Variants in IFTAP observed in about 807,000 individuals in gnomAD.
The protein encoded by IFTAP is intraflagellar transport associated protein.
In IFTAP, 19 loss-of-function variants were observed where a neutral mutation model predicts 19.4. That is an observed-to-expected ratio of 0.98 (90% CI 0.68 to 1.44). The LOEUF (loss-of-function observed/expected upper bound fraction) is 1.44. IFTAP is among the 40% of genes most tolerant of loss of function. IFTAP has a pLI of 0.00. For synonymous variants in IFTAP, 85 were observed against 83.5 expected (o/e 1.02, Z -0.10); for missense variants, 240 against 253.6 (o/e 0.95, Z 0.36).
intron 2 of IFTAP, among the ~76,000 whole-genome samples, chr11:36,620,225 A>C (rs1852242925): frequency 6.6e-6 from 1 of 152,074 alleles, no homozygotes; most frequent in African/African-American, 2.4e-5. Context: ...TTATCACAAC[A>C]TAACATCAAA....
intron 4 of IFTAP, among the ~76,000 whole-genome samples, chr11:36,642,184 G>A (rs1172962612): frequency 3.3e-5 from 5 of 151,960 alleles, no homozygotes; most frequent in Non-Finnish European, 5.9e-5. Flanking sequence ...TATCACCACC[G>A]ATCTCACAGA....
chr11:36,619,389 A>G (rs749486963), intron 2 of IFTAP, among the ~76,000 whole-genome samples: 24 of 152,144 alleles, frequency 1.6e-4, no homozygotes, highest in Non-Finnish European at 3.1e-4. Context: ...AATTTCCATG[A>G]GGGTGCAAAG....
intron 4 of IFTAP, among the ~76,000 whole-genome samples, chr11:36,641,648 A>G (rs1045273191): frequency 6.6e-6 from 1 of 152,210 alleles, no homozygotes; most frequent in Non-Finnish European, 1.5e-5. Flanking sequence ...ATAGTTTTTT[A>G]TAATTTCTGT....
At chr11:36,658,632 G>T (rs1854092887) in intron 5 of IFTAP, among the ~76,000 whole-genome samples, 2 of 151,978 alleles carry the variant, frequency 1.3e-5, no homozygotes, top group African/African-American at 2.4e-5. Context: ...TCTATTTAAG[G>T]TTGATAAAAA....
At position 36,602,633 on chromosome 11, in the gene IFTAP, C is replaced by T. The variant is rs113400423; in HGVS notation, c.-23-7448C>T. On this transcript the variant is annotated intron_variant, in intron 1 of 5. Transcript: ENST00000334307. ...TGAAAAAAGTGTTCACTGAATTACT[C>T]GCCGTTACTACCCATAACTCATTGA... 7.9e-5 allele frequency among the ~76,000 whole-genome samples: 12 copies of T among 152,180 alleles called. No individual in the cohort carries two copies. The South Asian group carries it at 2.1e-3, about 26-fold the overall frequency.
chr11:36,632,664 TAA>T (rs747297438), intron 2 of IFTAP, among the ~76,000 whole-genome samples: 13 of 151,288 alleles, frequency 8.6e-5, no homozygotes, highest in Non-Finnish European at 1.5e-4. Flanking sequence ...AGGAATTGGT[TAA>T]ATAAACTATC....
intron 2 of IFTAP, among the ~76,000 whole-genome samples, chr11:36,619,639 T>G (rs1590210495): frequency 6.6e-6 from 1 of 152,044 alleles, no homozygotes. Context: ...GGCTTAACAT[T>G]GTTTTGATAC....
At chr11:36,602,760 G>C (rs1851554161) in intron 1 of IFTAP, among the ~76,000 whole-genome samples, 1 of 151,964 alleles carries the variant, frequency 6.6e-6, no homozygotes, top group Non-Finnish European at 1.5e-5. Flanking sequence ...GTCAGTTAGC[G>C]TGCTTATAGG....
chr11:36,651,153 C>T (rs1444336231), intron 5 of IFTAP, among the ~76,000 whole-genome samples: 1 of 152,190 alleles, frequency 6.6e-6, no homozygotes. Context: ...AATGGTTGAA[C>T]TAGTTTACAG....
chr11:36,635,450 T>C (rs962269576), intron 3 of IFTAP, among the ~76,000 whole-genome samples: 1 of 152,228 alleles, frequency 6.6e-6, no homozygotes, highest in Non-Finnish European at 1.5e-5. Flanking sequence ...ATTGTGTCTG[T>C]AAAGGTCATT....
At position 36,648,092 on chromosome 11, in the gene IFTAP, G is replaced by T; in HGVS notation, c.435G>T (p.Gln145His). The T allele has an allele frequency of 6.2e-7, 1 of 1,613,324 alleles. No individual in the cohort carries two copies. Among genetic ancestry groups the T allele is most frequent in the Non-Finnish European group, 8.5e-7 (1 of 1,179,530 alleles). The change falls in exon 5 of 6, where the codon CAG becomes CAT. Residue 145 changes from glutamine to histidine, a missense_variant. Physicochemically the swap from Gln to His is conservative, Grantham distance 24 (BLOSUM62 0). Transcript: ENST00000334307. ...CTTCCTGTATCCCTTTTGTGGCCCAGCCTCCTACCTGTGAAGTGAAGCCAA... is the reference window on the plus strand; with the variant it reads ...CTTCCTGTATCCCTTTTGTGGCCCATCCTCCTACCTGTGAAGTGAAGCCAA... ...SIPSCIPFVA[Q>H]PPTCEVKPKP...
At chr11:36,623,667 C>G (rs2133422361) in intron 2 of IFTAP, among the ~76,000 whole-genome samples, 1 of 152,218 alleles carries the variant, frequency 6.6e-6, no homozygotes, top group South Asian at 2.1e-4. Flanking sequence ...CTATTGCTGC[C>G]AGAACTGTGT....
chr11:36,623,253 G>A (rs1400052771), intron 2 of IFTAP, among the ~76,000 whole-genome samples: 1 of 151,970 alleles, frequency 6.6e-6, no homozygotes, highest in Non-Finnish European at 1.5e-5. Flanking sequence ...AATCTGGGAG[G>A]AGTTTAGGGA....
At chr11:36,611,830 C>T (rs1473807452) in intron 2 of IFTAP, among the ~76,000 whole-genome samples, 1 of 151,938 alleles carries the variant, frequency 6.6e-6, no homozygotes, top group East Asian at 1.9e-4. Flanking sequence ...ATCTTTTAGT[C>T]TGTGCACCTG....
intron 5 of IFTAP, among the ~76,000 whole-genome samples, chr11:36,654,777 A>T (rs917768183): frequency 4.0e-5 from 6 of 151,694 alleles, no homozygotes; most frequent in African/African-American, 1.5e-4. Flanking sequence ...CCAGTCACTT[A>T]TCGAGTGCTG....
intron 2 of IFTAP, among the ~76,000 whole-genome samples, chr11:36,613,184 T>A (rs16929149): frequency 6.6e-6 from 1 of 151,960 alleles, no homozygotes; most frequent in Non-Finnish European, 1.5e-5. Context: ...GTAAAGACAT[T>A]GTTATGTTGT....
In IFTAP at chr11:36,645,762, T is replaced by C. The variant is rs960569884; in HGVS notation, c.359-2254T>C. 6.6e-5 allele frequency among the ~76,000 whole-genome samples: 10 copies of C among 152,286 alleles called. No homozygotes were observed. The South Asian group carries it at 2.1e-3, about 32-fold the overall frequency. The stretch of plus-strand genomic sequence containing the variant: ...CAATTTTTTCTTGATTATTCTTTGA[T>C]TGATTTTATATATGAAAGTCTTATT... On this transcript the variant is annotated intron_variant, in intron 4 of 5. Coordinates refer to ENST00000334307, the MANE Select transcript of IFTAP (RefSeq NM_138787.4).
chr11:36,602,184 C>T (rs929418820), intron 1 of IFTAP, among the ~76,000 whole-genome samples: 16 of 152,270 alleles, frequency 1.1e-4, no homozygotes, highest in African/African-American at 3.6e-4. Flanking sequence ...AATCTTACTT[C>T]TTTTAAGAGA....
intron 4 of IFTAP, among the ~76,000 whole-genome samples, chr11:36,645,951 G>A (rs764402281): frequency 7.2e-5 from 11 of 152,098 alleles, no homozygotes; most frequent in Non-Finnish European, 1.3e-4. Context: ...CTATGTATAA[G>A]GTGCTATGTT....
Sources: gnomAD v4.1 joint callset for allele counts (sites outside exome capture counted in the v4.1 genomes callset) on GRCh38, gnomAD v4.1.1 for gene constraint, MANE v1.5 for transcripts, NCBI Gene and HGNC (gene_info 2026-07-23, HGNC 2026-07-21) for gene names.